Variants in RBPJL observed in about 807,000 individuals in gnomAD.
RBPJL encodes recombination signal binding protein for immunoglobulin kappa J region like, also known as recombining binding protein suppressor of hairless-like protein.
In RBPJL, 50 loss-of-function variants were observed where a neutral mutation model predicts 57.6. The observed-to-expected ratio is 0.87, with a 90% CI of 0.69 to 1.10. The LOEUF (loss-of-function observed/expected upper bound fraction) is 1.10. Among genes scored for constraint, RBPJL ranks in the 50% least tolerant of loss-of-function variants. The probability of loss-of-function intolerance (pLI) is 0.00; values close to 1 mark genes in which losing one functional copy is unlikely to be tolerated. For synonymous variants in RBPJL, 303 were observed against 294.4 expected, an observed-to-expected ratio of 1.03 and a Z score of -0.30; for missense variants, 684 against 693.7, an observed-to-expected ratio of 0.99 and a Z score of 0.16.
In RBPJL at chr20:45,316,358, A is replaced by G; in HGVS notation, c.1176+16A>G. 5 of 1,612,748 alleles carry G rather than the reference A, an allele frequency of 3.1e-6. No homozygotes were observed. Among genetic ancestry groups the G allele is most frequent in the Non-Finnish European group, 4.2e-6 (5 of 1,179,160 alleles). ...CACCCTAGAGGTGAAGCCGGGCGCT[A>G]GGGGCGTTGGGCAGGGGGACCCTGC... On this transcript the variant is annotated intron_variant, in intron 10 of 11. Coordinates refer to ENST00000343694, the MANE Select transcript of RBPJL (RefSeq NM_014276.4).
Position 45,316,271 on chromosome 20 carries a change from T to G in RBPJL, c.1105T>G (p.Phe369Val). 1 of 1,614,158 alleles carries G rather than the reference T, an allele frequency of 6.2e-7. No individual in the cohort carries two copies. Among genetic ancestry groups the G allele is most frequent in the East Asian group, 2.2e-5 (1 of 44,878 alleles). ...CATCATCGGCACCGAGTCGGTGGAA[T>G]TTTCCTTCAGCACCAGCCTGGCGTG... The part of the protein sequence containing the change: ...WTIIGTESVE[F>V]SFSTSLACTL... Residue 369 changes from phenylalanine to valine, a missense_variant, in exon 10 of 12, where the codon TTT becomes GTT. Phe to Val is a conservative substitution (Grantham distance 50). Transcript: ENST00000343694.
chr20:45,315,739 T>TA (rs1987418153), intron 9 of RBPJL, among the ~76,000 whole-genome samples: 1 of 93,398 alleles, frequency 1.1e-5, no homozygotes, highest in Admixed American at 1.5e-4. Context: ...AGATTCAGTC[T>TA]CAAAAAAAAA....
chr20:45,308,579 C>A, intron 2 of RBPJL: 1 of 337,268 alleles, frequency 3.0e-6, no homozygotes, highest in Non-Finnish European at 5.7e-6. Context: ...CTGAGGAGAG[C>A]CCCAAGGGGT....
Position 45,312,841 on chromosome 20 carries a change from A to C in RBPJL, c.619+446A>C, listed in dbSNP as rs192824071. Among the ~76,000 whole-genome samples the C allele has an allele frequency of 3.2e-3, 475 of 150,752 alleles. 5 individuals carry two copies. Among genetic ancestry groups the C allele is most frequent in the Middle Eastern group, 0.01 (3 of 292 alleles). Reference sequence around the variant, plus strand: ...CTTGTCTGTACCAAAAAAAAAAAAAAAAAAAGAAAAAGAAAAATTAGCCTG... The same window carrying C: ...CTTGTCTGTACCAAAAAAAAAAAAACAAAAAGAAAAAGAAAAATTAGCCTG... On this transcript the variant is annotated intron_variant, in intron 6 of 11. Coordinates refer to ENST00000343694, the MANE Select transcript of RBPJL (RefSeq NM_014276.4).
At position 45,311,912 on chromosome 20, in the gene RBPJL, T is replaced by C; in HGVS notation, c.402T>C (p.Thr134=). Residue 134 remains threonine, a synonymous_variant, in exon 5 of 12, where the codon ACT becomes ACC. Coordinates refer to ENST00000343694, the MANE Select transcript of RBPJL (RefSeq NM_014276.4). ...TGGACAGCGCGTCCGGCAGCGCCAC[T>C]GAGACGCAGAAGCTGAATTTCGAGC... The part of the protein sequence containing the change: ...MGLDSASGSA[T]ETQKLNFEQQ... The C allele has an allele frequency of 6.4e-7, 1 of 1,551,396 alleles. No homozygotes were observed. The highest frequency in any genetic ancestry group is 1.2e-5 in the South Asian group (1 of 84,094).
rs537802469 is a variant in RBPJL at position 45,311,296 on chromosome 20, C to A, written c.258-293C>A. Among the ~76,000 whole-genome samples, 528 of 152,108 alleles carry A rather than the reference C, an allele frequency of 3.5e-3. 1 individual carries two copies. The highest frequency in any genetic ancestry group is 4.8e-3 in the South Asian group (23 of 4,820). ...CCAGTTTGAAGGCTGATGCTGTGGT[C>A]CAGGCAAAAAGTAATGGCGGCTGGG... On this transcript the variant is annotated intron_variant, in intron 3 of 11. Transcript: ENST00000343694.
Position 45,317,085 on chromosome 20 carries a change from C to G in RBPJL, c.*126C>G, listed in dbSNP as rs565794061. ...CTGCAGAAGGGCAGCTGAAGGCTCACCCTAGAAACCGGGCCTGGTGGGTCT... is the reference window on the plus strand; with the variant it reads ...CTGCAGAAGGGCAGCTGAAGGCTCAGCCTAGAAACCGGGCCTGGTGGGTCT... On this transcript the variant is annotated 3_prime_UTR_variant, in exon 12 of 12. Transcript: ENST00000343694. 2 of 1,221,688 alleles carry G rather than the reference C, an allele frequency of 1.6e-6. No homozygotes were observed. The highest frequency in any genetic ancestry group is 2.4e-5 in the Admixed American group (1 of 42,062). 75.7% of individuals were successfully genotyped at this position (1,221,688 alleles called of 1,614,324 possible). A position where few individuals can be genotyped will look rare whatever the true frequency, so the allele number is the denominator to read the frequency against.
intron 2 of RBPJL, 140 bp from the exon 3 acceptor site, chr20:45,309,427 C>A: frequency 1.2e-6 from 1 of 809,786 alleles, no homozygotes; most frequent in Non-Finnish European, 1.8e-6. Context: ...CCCACAGGGG[C>A]AGGATATAGA....
intron 4 of RBPJL, 79 bp from the exon 5 acceptor site, chr20:45,311,760 C>G (rs1987183391): frequency 1.3e-6 from 2 of 1,543,916 alleles, no homozygotes; most frequent in Admixed American, 1.9e-5. Flanking sequence ...TCCCCGCGCC[C>G]TCTGGCGGCG....
At chr20:45,309,508 T>G in intron 2 of RBPJL, 59 bp from the exon 3 acceptor site, 1 of 1,542,390 alleles carries the variant, frequency 6.5e-7, no homozygotes, top group Non-Finnish European at 8.7e-7. Context: ...GCTTGGACCC[T>G]GTGCCACCTT....
intron 7 of RBPJL, 86 bp downstream of exon 7, chr20:45,313,691 ACT>A: frequency 2.2e-6 from 3 of 1,351,020 alleles, no homozygotes; most frequent in Non-Finnish European, 3.0e-6. Flanking sequence ...AGGAAGGTAA[ACT>A]CTGCCCCATG....
At chr20:45,310,103 A>G (rs1180224375) in intron 3 of RBPJL, among the ~76,000 whole-genome samples, 2 of 152,150 alleles carry the variant, frequency 1.3e-5, no homozygotes, top group Non-Finnish European at 2.9e-5. Context: ...AACTCCCCAC[A>G]AGTCAGGAAA....
At chr20:45,312,082 T>TTA in intron 5 of RBPJL, 128 bp downstream of exon 5, 1 of 1,487,594 alleles carries the variant, frequency 6.7e-7, no homozygotes, top group Non-Finnish European at 9.3e-7. Context: ...GGGTCCTGCC[T>TTA]TAAGGCCGAG....
chr20:45,314,583 C>A lies in RBPJL; in HGVS notation c.1020+18C>A, dbSNP rs1245450931. 1.2e-6 allele frequency: 2 copies of A among 1,607,092 alleles called. No individual in the cohort carries two copies. The highest frequency in any genetic ancestry group is 1.7e-6 in the Non-Finnish European group (2 of 1,174,770). On this transcript the variant is annotated intron_variant, in intron 9 of 11. Transcript: ENST00000343694. ...AATTTCAGGTAAGAAGCAGAGAATA[C>A]CAGCACCAAGTGTCCTGGAAAGGGA...
Position 45,312,096 on chromosome 20 carries a change from G to A in RBPJL, c.445-125G>A, listed in dbSNP as rs549919221. 157 of 1,507,994 alleles carry A rather than the reference G, an allele frequency of 1.0e-4. No homozygotes were observed. The South Asian group carries it at 1.5e-3, about 15-fold the overall frequency. 93.4% of individuals were successfully genotyped at this position (1,507,994 alleles called of 1,614,324 possible). A position where few individuals can be genotyped will look rare whatever the true frequency, so the allele number is the denominator to read the frequency against. On this transcript the variant is annotated intron_variant, in intron 5 of 11. Coordinates refer to ENST00000343694, the MANE Select transcript of RBPJL (RefSeq NM_014276.4). ...GGGGTCCTGCCTTAAGGCCGAGCCTGAGAGCCTGGATGGTGGAGCTTCTGG... is the reference window on the plus strand; with the variant it reads ...GGGGTCCTGCCTTAAGGCCGAGCCTAAGAGCCTGGATGGTGGAGCTTCTGG...
Position 45,306,909 on chromosome 20 carries a change from C to A in RBPJL, c.-14C>A. 1.6e-6 allele frequency: 2 copies of A among 1,256,122 alleles called. No homozygotes were observed. Among genetic ancestry groups the A allele is most frequent in the East Asian group, 3.1e-5 (1 of 32,170 alleles). The allele number at this position is 1,256,122 out of a possible 1,614,324, so 77.8% of individuals were successfully genotyped here. ...AGGGCGGCGGGTGAGCGGCTGGGGC[C>A]CCGTGGAGCCACCATGGACCCCGCA... is the stretch of plus-strand genomic sequence containing the variant. On this transcript the variant is annotated 5_prime_UTR_variant, in exon 1 of 12. Coordinates refer to ENST00000343694, the MANE Select transcript of RBPJL (RefSeq NM_014276.4).
Position 45,313,587 on chromosome 20 carries a change from G to C in RBPJL, c.739G>C (p.Ala247Pro). 6.2e-7 allele frequency: 1 copy of C among 1,610,844 alleles called. No individual in the cohort carries two copies. Among genetic ancestry groups the C allele is most frequent in the East Asian group, 2.2e-5 (1 of 44,800 alleles). Residue 247 changes from alanine (A) to proline (P), a missense_variant, in exon 7 of 12, where the codon GCC becomes CCC. Physicochemically the swap from Ala to Pro is conservative, Grantham distance 27. Transcript: ENST00000343694. ...AFVASARQWAAFTLHLADGHS... is the reference protein window; with the variant it reads ...AFVASARQWAPFTLHLADGHS... ...TGTGGCCAGTGCACGACAGTGGGCTGCCTTCACGCTCCACCTGGGTAATGA... is the reference window on the plus strand; with the variant it reads ...TGTGGCCAGTGCACGACAGTGGGCTCCCTTCACGCTCCACCTGGGTAATGA...
chr20:45,306,999 C>T, intron 1 of RBPJL, 55 bp downstream of exon 1: 1 of 975,306 alleles, frequency 1.0e-6, no homozygotes, highest in Non-Finnish European at 1.3e-6. Context: ...CTACGAAGGA[C>T]CACCCCCCCA....
intron 3 of RBPJL, among the ~76,000 whole-genome samples, chr20:45,310,251 A>C (rs1987090381): frequency 6.6e-6 from 1 of 152,172 alleles, no homozygotes; most frequent in Non-Finnish European, 1.5e-5. Context: ...ATTGGAACTG[A>C]AACTTGAATG....
Sources: gnomAD v4.1 joint callset for allele counts (sites outside exome capture counted in the v4.1 genomes callset) on GRCh38, gnomAD v4.1.1 for gene constraint, MANE v1.5 for transcripts, NCBI Gene and HGNC (gene_info 2026-07-23, HGNC 2026-07-21) for gene names.